IKZF2: variants seen among roughly 807,000 people sequenced by gnomAD.
IKZF2 encodes the protein zinc finger protein Helios.
A neutral mutation model predicts 49.2 loss-of-function variants in IKZF2; 15 were observed. That is an observed-to-expected ratio of 0.30 (90% CI 0.20 to 0.47). IKZF2 has a LOEUF of 0.47. IKZF2 is among the 20% of genes least tolerant of loss of function. The pLI, the probability that IKZF2 is intolerant of heterozygous loss-of-function variation, is 1.00. For synonymous variants in IKZF2, 227 were observed against 221.4 expected (o/e 1.03, Z -0.23); for missense variants, 567 against 664.6 (o/e 0.85, Z 1.61).
At chr2:213,048,691 C>G (rs1559206004) in intron 6 of IKZF2, among the ~76,000 whole-genome samples, 4 of 151,978 alleles carry the variant, frequency 2.6e-5, no homozygotes, top group Non-Finnish European at 5.9e-5. Context: ...TTTTTTGTAA[C>G]TGCCCCAAAT....
At chr2:213,144,977 T>A (rs2060999131) in intron 4 of IKZF2, among the ~76,000 whole-genome samples, 1 of 151,824 alleles carries the variant, frequency 6.6e-6, no homozygotes, top group South Asian at 2.1e-4. Flanking sequence ...TGTCAAATAA[T>A]GATAGCTGCC....
At chr2:213,041,993 A>G (rs1369455520) in intron 6 of IKZF2, among the ~76,000 whole-genome samples, 1 of 152,224 alleles carries the variant, frequency 6.6e-6, no homozygotes, top group South Asian at 2.1e-4. Context: ...AGAAAAGATA[A>G]CACATTGTAG....
Position 213,007,752 on chromosome 2 carries a change from C to T in IKZF2, c.1189G>A (p.Glu397Lys). 1 of 1,613,730 alleles carries T rather than the reference C, an allele frequency of 6.2e-7. No individual in the cohort carries two copies. The highest frequency in any genetic ancestry group is 8.5e-7 in the Non-Finnish European group (1 of 1,179,770). ...IRPKSRPQER[E>K]ASPSNSCLDS... ...AGGCAGCTATTGCTGGGAGAGGCCTCTCTTTCCTGGGGTCGACTCTTTGGT... is the reference window on the plus strand; with the variant it reads ...AGGCAGCTATTGCTGGGAGAGGCCTTTCTTTCCTGGGGTCGACTCTTTGGT... Residue 397 changes from glutamate to lysine, a missense_variant, in exon 9 of 9, where the codon GAG becomes AAG. Physicochemically the swap from Glu to Lys is moderately conservative, Grantham distance 56. Around this residue, in one of 5 missense-constraint regions of IKZF2, gnomAD observed 310 missense variants for 326.9 expected, o/e 0.95. Transcript: ENST00000434687.
intron 4 of IKZF2, among the ~76,000 whole-genome samples, chr2:213,094,852 G>A (rs1204444405): frequency 3.3e-5 from 5 of 152,088 alleles, no homozygotes; most frequent in Non-Finnish European, 5.9e-5. Context: ...GATACCAGAT[G>A]ACAGACTAGG....
intron 8 of IKZF2, among the ~76,000 whole-genome samples, chr2:213,010,901 C>T: frequency 6.6e-6 from 1 of 151,940 alleles, no homozygotes; most frequent in Non-Finnish European, 1.5e-5. Context: ...TGAATGGGGG[C>T]CTCCATTTGT....
chr2:213,027,110 A>T (rs1324009628), intron 6 of IKZF2, among the ~76,000 whole-genome samples: 2 of 152,106 alleles, frequency 1.3e-5, no homozygotes, highest in Non-Finnish European at 2.9e-5. Context: ...TGGTGATTAT[A>T]TTCATATTTC....
chr2:213,150,906 T>TG (rs2061263231), intron 1 of IKZF2, among the ~76,000 whole-genome samples: 1 of 144,754 alleles, frequency 6.9e-6, no homozygotes, highest in South Asian at 2.1e-4. Context: ...GGTTTTTGGT[T>TG]TTTTTTTTTT....
intron 6 of IKZF2, among the ~76,000 whole-genome samples, chr2:213,039,456 C>T (rs1699397240): frequency 6.6e-6 from 1 of 151,894 alleles, no homozygotes; most frequent in Non-Finnish European, 1.5e-5. Context: ...TTTTATGGAA[C>T]AGAATAGCTT....
chr2:213,004,126 C>CTT lies in IKZF2; in HGVS notation c.*3232_*3233dup, dbSNP rs551228889. 2 of 151,550 alleles carry CTT rather than the reference C, an allele frequency of 1.3e-5. No homozygotes were observed. Among genetic ancestry groups the CTT allele is most frequent in the South Asian group, 4.2e-4 (2 of 4,798 alleles). 9.4% of individuals were successfully genotyped at this position (151,550 alleles called of 1,614,324 possible). The stretch of plus-strand genomic sequence containing the variant: ...GCAATACATCTGATCACTCCAACTG[C>CTT]TTTTTTTTCCATGAATTCTCTTTAA... On this transcript the variant is annotated 3_prime_UTR_variant, in exon 9 of 9. Transcript: ENST00000434687.
chr2:213,089,752 G>A (rs1705083717), intron 4 of IKZF2, among the ~76,000 whole-genome samples: 1 of 152,170 alleles, frequency 6.6e-6, no homozygotes, highest in Non-Finnish European at 1.5e-5. Flanking sequence ...AATTCTGTAA[G>A]GGGGAGAAGG....
At position 213,001,584 on chromosome 2, in the gene IKZF2, C is replaced by T. The variant is rs887456949; in HGVS notation, c.*5776G>A. The T allele has an allele frequency of 2.0e-5, 3 of 151,218 alleles. No individual in the cohort carries two copies. The highest frequency in any genetic ancestry group is 4.8e-5 in the African/African-American group (2 of 41,300). The allele number at this position is 151,218 out of a possible 1,614,324, so 9.4% of individuals were successfully genotyped here. ...AAAACTACACTTGAGTATAAAAATA[C>T]GTCAGCAGATTATACAACCAACAAA... On this transcript the variant is annotated 3_prime_UTR_variant, in exon 9 of 9. Coordinates refer to ENST00000434687, the MANE Select transcript of IKZF2 (RefSeq NM_001387220.1).
At chr2:213,106,158 C>A (rs143114260) in intron 4 of IKZF2, among the ~76,000 whole-genome samples, 86 of 152,108 alleles carry the variant, frequency 5.7e-4, no homozygotes, top group African/African-American at 2.0e-3. Flanking sequence ...AAAGGCATTA[C>A]CATAATGACC....
intron 6 of IKZF2, among the ~76,000 whole-genome samples, chr2:213,033,502 C>T (rs1371871435): frequency 2.6e-5 from 4 of 152,170 alleles, no homozygotes; most frequent in Admixed American, 2.6e-4. Flanking sequence ...TTTAAATTAA[C>T]CCTTGAGCGT....
chr2:213,146,076 G>C (rs2061047473), intron 4 of IKZF2, among the ~76,000 whole-genome samples: 1 of 152,002 alleles, frequency 6.6e-6, no homozygotes, highest in Non-Finnish European at 1.5e-5. Context: ...GTGTCTAGGG[G>C]ATGACAGTCA....
In IKZF2 at chr2:213,005,307, C is replaced by T. The variant is rs1294244604; in HGVS notation, c.*2053G>A. 6.6e-6 allele frequency: 1 copy of T among 151,198 alleles called. No homozygotes were observed. Among genetic ancestry groups the T allele is most frequent in the East Asian group, 2.0e-4 (1 of 5,118 alleles). The allele number at this position is 151,198 out of a possible 1,614,324, so 9.4% of individuals were successfully genotyped here. ...GAAATGGTTGACATTCTATATATCT[C>T]TGTTTTGGTGCATTCCCTTAGATTT... On this transcript the variant is annotated 3_prime_UTR_variant, in exon 9 of 9. Transcript: ENST00000434687.
chr2:213,150,707 G>C lies in IKZF2; in HGVS notation c.-119-460C>G, dbSNP rs375199857. Among the ~76,000 whole-genome samples, 210 of 137,414 alleles carry C rather than the reference G, an allele frequency of 1.5e-3. 1 individual carries two copies. The highest frequency in any genetic ancestry group is 4.6e-3 in the South Asian group (17 of 3,732). The allele number at this position is 137,414 out of a possible 152,430, so 90.1% of individuals were successfully genotyped here. ...GACAAGAAAACTGAAAGAAAAGGGG[G>C]GGGGGGCGGGTAGAGGGGAGGGACA... is the stretch of plus-strand genomic sequence containing the variant. On this transcript the variant is annotated intron_variant, in intron 1 of 8. Coordinates refer to ENST00000434687, the MANE Select transcript of IKZF2 (RefSeq NM_001387220.1).
chr2:213,082,523 G>A (rs552079473), intron 4 of IKZF2, among the ~76,000 whole-genome samples: 1 of 152,282 alleles, frequency 6.6e-6, no homozygotes, highest in South Asian at 2.1e-4. Flanking sequence ...GCTAATGTTA[G>A]CAATGAAGCA....
intron 6 of IKZF2, among the ~76,000 whole-genome samples, chr2:213,022,503 T>TG (rs1392099796): frequency 3.3e-5 from 5 of 151,898 alleles, no homozygotes; most frequent in Admixed American, 2.0e-4. Flanking sequence ...TGTGGTTTTT[T>TG]TTTGTTTGTT....
intron 4 of IKZF2, among the ~76,000 whole-genome samples, chr2:213,089,903 A>C (rs1705101697): frequency 6.6e-6 from 1 of 152,198 alleles, no homozygotes; most frequent in African/African-American, 2.4e-5. Flanking sequence ...TGGAAAAAAG[A>C]TTATGACCAG....
Sources: allele counts gnomAD v4.1 joint callset (sites outside exome capture counted in the v4.1 genomes callset), GRCh38; gene constraint gnomAD v4.1.1; regional missense constraint gnomAD v4.1.1; transcripts MANE v1.5; gene names NCBI Gene and HGNC (gene_info 2026-07-23, HGNC 2026-07-21).